The following TMOD1 variants were observed in gnomAD, a reference collection of about 807,000 sequenced individuals.
The protein encoded by TMOD1 is tropomodulin 1.
In TMOD1, 17 loss-of-function variants were observed where a neutral mutation model predicts 40.6. That is an observed-to-expected ratio of 0.42 (90% confidence interval 0.29 to 0.63). The LOEUF (loss-of-function observed/expected upper bound fraction) is 0.63. TMOD1 is among the 20% of genes least tolerant of loss of function. TMOD1 has a pLI of 0.22. For missense variants in TMOD1, 391 were observed against 447.6 expected, an observed-to-expected ratio of 0.87 and a Z score of 1.14; for synonymous variants, 181 against 175.0, an observed-to-expected ratio of 1.03 and a Z score of -0.27.
At chr9:97,590,754 G>A (rs1825984258) in intron 8 of TMOD1, among the ~76,000 whole-genome samples, 1 of 151,894 alleles carries the variant, frequency 6.6e-6, no homozygotes, top group Non-Finnish European at 1.5e-5. Flanking sequence ...AACTTACCAT[G>A]TGATCTTGGG....
chr9:97,551,146 C>T (rs960057727), intron 3 of TMOD1, among the ~76,000 whole-genome samples: 3 of 151,356 alleles, frequency 2.0e-5, no homozygotes, highest in East Asian at 1.9e-4. Flanking sequence ...GCCTCAGCCT[C>T]CTGAGTAGCT....
rs1278759668 is a variant in TMOD1 at position 97,502,375 on chromosome 9, G to A, written c.-49+572G>A. ...AGTTTCCCAAACTGGGAGAGACAAG[G>A]TTTAAAGCACCACGACACGCGCTAC... On this transcript the variant is annotated intron_variant, in intron 1 of 9. Transcript: ENST00000259365. This position sits in a 1 kb window ranked among gnomAD's most constrained non-coding sequence, Gnocchi z 6.1. 6.6e-6 allele frequency among the ~76,000 whole-genome samples: 1 copy of A among 152,228 alleles called. No individual in the cohort carries two copies. The highest frequency in any genetic ancestry group is 1.5e-5 in the Non-Finnish European group (1 of 68,034).
At chr9:97,587,379 G>T (rs997206660) in intron 8 of TMOD1, among the ~76,000 whole-genome samples, 1 of 152,176 alleles carries the variant, frequency 6.6e-6, no homozygotes, top group Non-Finnish European at 1.5e-5. Flanking sequence ...TCTCACCAAC[G>T]TTTGGTGTTG....
At chr9:97,535,420 C>T (rs1312333723) in intron 2 of TMOD1, among the ~76,000 whole-genome samples, 2 of 152,280 alleles carry the variant, frequency 1.3e-5, no homozygotes, top group South Asian at 4.1e-4. Context: ...TCTCTCCCTG[C>T]GATGCCCCTG....
intron 1 of TMOD1, among the ~76,000 whole-genome samples, chr9:97,515,201 G>A (rs1455940799): frequency 2.3e-4 from 32 of 141,342 alleles, no homozygotes; most frequent in South Asian, 2.2e-4. Context: ...AAACAAAAAT[G>A]AAAAAAAAAA....
chr9:97,568,548 G>T (rs764279199), intron 7 of TMOD1, among the ~76,000 whole-genome samples: 2 of 152,176 alleles, frequency 1.3e-5, no homozygotes, highest in African/African-American at 4.8e-5. Context: ...ATTCCAGGTG[G>T]GAGGGAAAGA....
chr9:97,561,349 C>T (rs1319107208), intron 4 of TMOD1, among the ~76,000 whole-genome samples: 1 of 152,188 alleles, frequency 6.6e-6, no homozygotes, highest in African/African-American at 2.4e-5. Flanking sequence ...TTGGGCAGAT[C>T]AAGGAGGGGA....
chr9:97,552,634 C>G (rs1830471790), intron 3 of TMOD1, among the ~76,000 whole-genome samples: 2 of 152,212 alleles, frequency 1.3e-5, no homozygotes, highest in Admixed American at 1.3e-4. Flanking sequence ...TGTAAGCTTG[C>G]CTTTTTCACA....
intron 1 of TMOD1, among the ~76,000 whole-genome samples, chr9:97,504,856 A>G (rs1829568073): frequency 6.6e-6 from 1 of 152,236 alleles, no homozygotes; most frequent in Non-Finnish European, 1.5e-5. Context: ...CCAGGCTGCC[A>G]ACATTTCTAA....
intron 1 of TMOD1, among the ~76,000 whole-genome samples, chr9:97,511,188 A>G (rs902066663): frequency 6.6e-6 from 1 of 152,164 alleles, no homozygotes; most frequent in South Asian, 2.1e-4. Flanking sequence ...TCTGGGATGA[A>G]GCTCATAGCA....
chr9:97,577,879 A>G (rs1825645418), intron 8 of TMOD1, among the ~76,000 whole-genome samples: 1 of 152,232 alleles, frequency 6.6e-6, no homozygotes, highest in South Asian at 2.1e-4. Flanking sequence ...CTTTTGTAAA[A>G]TGTTTATGAC....
At chr9:97,544,652 C>T (rs956474352) in intron 2 of TMOD1, among the ~76,000 whole-genome samples, 3 of 152,276 alleles carry the variant, frequency 2.0e-5, no homozygotes, top group Non-Finnish European at 4.4e-5. Context: ...TAACAGTCCC[C>T]TCACAGAGGC....
At chr9:97,548,384 C>T (rs10982661) in intron 3 of TMOD1, among the ~76,000 whole-genome samples, 16,265 of 152,080 alleles carry the variant, frequency 0.11, 1,137 homozygotes, top group East Asian at 0.34. Context: ...TCCAGGGAGG[C>T]CTAAGGGGCA....
intron 2 of TMOD1, among the ~76,000 whole-genome samples, chr9:97,539,971 C>CAAAAAAAAAA (rs34844299): frequency 1.4e-5 from 1 of 71,970 alleles, no homozygotes; most frequent in Non-Finnish European, 2.7e-5. Context: ...GACTCTGTCT[C>CAAAAAAAAAA]AAAAAAAAAA....
chr9:97,596,838 G>A (rs1004338074), intron 9 of TMOD1, among the ~76,000 whole-genome samples: 1 of 152,196 alleles, frequency 6.6e-6, no homozygotes, highest in South Asian at 2.1e-4. Context: ...CCTGTTAGTT[G>A]CCACCTGGGA....
intron 9 of TMOD1, 40 bp from the exon 10 acceptor site, chr9:97,599,593 CA>C (rs1442397604): frequency 1.2e-6 from 2 of 1,613,624 alleles, no homozygotes; most frequent in Middle Eastern, 1.7e-4. Flanking sequence ...CCCTGGTCTA[CA>C]GGGAAAAGTG....
intron 8 of TMOD1, among the ~76,000 whole-genome samples, chr9:97,590,100 A>G (rs1039091150): frequency 1.3e-5 from 2 of 151,512 alleles, no homozygotes; most frequent in South Asian, 2.1e-4. Flanking sequence ...GTTCATGGCC[A>G]TCTTTACATG....
intron 3 of TMOD1, among the ~76,000 whole-genome samples, chr9:97,552,058 G>A (rs778958622): frequency 1.7e-4 from 26 of 152,242 alleles, no homozygotes; most frequent in Admixed American, 1.1e-3. Flanking sequence ...GACTTTGTTA[G>A]TTCTAATAGG....
At position 97,600,089 on chromosome 9, in the gene TMOD1, A is replaced by C; in HGVS notation, c.*391A>C. 1 of 1,024,126 alleles carries C rather than the reference A, an allele frequency of 9.8e-7. No homozygotes were observed. Among genetic ancestry groups the C allele is most frequent in the East Asian group, 8.0e-5 (1 of 12,510 alleles). 63.4% of individuals were successfully genotyped at this position (1,024,126 alleles called of 1,614,324 possible). A position where few individuals can be genotyped will look rare whatever the true frequency, so the allele number is the denominator to read the frequency against. On this transcript the variant is annotated 3_prime_UTR_variant, in exon 10 of 10. Transcript: ENST00000259365. Reference sequence around the variant, plus strand: ...GGCACACTCTTCCACATGCTTTTGAAGTATTATAAAACACTTTATTACAAA... The same window carrying C: ...GGCACACTCTTCCACATGCTTTTGACGTATTATAAAACACTTTATTACAAA...
Sources: gnomAD v4.1 joint callset for allele counts (sites outside exome capture counted in the v4.1 genomes callset) on GRCh38, gnomAD v4.1.1 for gene constraint, Gnocchi (gnomAD v3.1) non-coding constraint, MANE v1.5 for transcripts, NCBI Gene and HGNC (gene_info 2026-07-23, HGNC 2026-07-21) for gene names.